Variants in RASSF8 observed in about 807,000 individuals in gnomAD.
RASSF8 encodes the protein ras association domain-containing protein 8.
RASSF8 carries 22 observed loss-of-function variants against 48.5 expected under a neutral mutation model. The ratio of observed to expected loss-of-function variants is 0.45; its 90% CI spans 0.32 to 0.65. The LOEUF is 0.65. RASSF8 is among the 30% of genes least tolerant of loss of function. The pLI is 0.03. For synonymous variants in RASSF8, 127 were observed against 171.5 expected (o/e 0.74, Z 2.03); for missense variants, 418 against 489.2 (o/e 0.85, Z 1.37).
At chr12:26,062,634 G>T (rs1943769068) in intron 3 of RASSF8, among the ~76,000 whole-genome samples, 1 of 152,176 alleles carries the variant, frequency 6.6e-6, no homozygotes, top group Non-Finnish European at 1.5e-5. Context: ...TCCCATCTCT[G>T]TCTAGTTTAC....
chr12:26,011,872 T>G (rs1322887379), intron 2 of RASSF8: 1 of 152,234 alleles, frequency 6.6e-6, no homozygotes, highest in Non-Finnish European at 1.5e-5. Flanking sequence ...ATGGTATTTA[T>G]TATATTAGCC....
chr12:25,981,058 G>A (rs1011030730), intron 1 of RASSF8, among the ~76,000 whole-genome samples: 3 of 152,056 alleles, frequency 2.0e-5, no homozygotes, highest in Admixed American at 6.6e-5. Context: ...GATCAGGGTC[G>A]GATGCGTCCT....
chr12:26,047,768 C>A (rs944458658), intron 2 of RASSF8, among the ~76,000 whole-genome samples: 1 of 152,204 alleles, frequency 6.6e-6, no homozygotes, highest in African/African-American at 2.4e-5. Context: ...TTCAGGGCTG[C>A]CCTGCCATCA....
In RASSF8 at chr12:26,064,793, A is replaced by G. The variant is rs1484861048; in HGVS notation, c.399A>G (p.Thr133=). The G allele has an allele frequency of 1.2e-6, 2 of 1,614,130 alleles. No individual in the cohort carries two copies. Among genetic ancestry groups the G allele is most frequent in the African/African-American group, 1.3e-5 (1 of 74,954 alleles). Residue 133 remains threonine (T), a synonymous_variant, in exon 4 of 6, where the codon ACA becomes ACG. Transcript: ENST00000689635. The part of the protein sequence containing the change: ...REPKRKSLTF[T]GGAKGLMDIF... ...CGAAAAGGAAATCACTGACATTTAC[A>G]GGAGGTGCCAAAGGATTAATGGACA... is the stretch of plus-strand genomic sequence containing the variant.
chr12:25,991,229 T>C (rs1022764500), intron 1 of RASSF8, among the ~76,000 whole-genome samples: 6 of 152,180 alleles, frequency 3.9e-5, no homozygotes, highest in Non-Finnish European at 8.8e-5. Flanking sequence ...GAAACTGGAA[T>C]TTATTTTGCT....
intron 2 of RASSF8, among the ~76,000 whole-genome samples, chr12:26,035,689 T>C (rs1387057985): frequency 6.9e-6 from 1 of 144,938 alleles, no homozygotes; most frequent in Non-Finnish European, 1.5e-5. Flanking sequence ...AATAAACACT[T>C]GTTTTTTTTT....
At chr12:26,013,189 T>G (rs985815606) in intron 2 of RASSF8, among the ~76,000 whole-genome samples, 1 of 152,198 alleles carries the variant, frequency 6.6e-6, no homozygotes, top group Non-Finnish European at 1.5e-5. Flanking sequence ...CGCTGTGTGG[T>G]GTGTCTGCAA....
intron 2 of RASSF8, among the ~76,000 whole-genome samples, chr12:26,016,439 G>A (rs150234070): frequency 2.0e-5 from 3 of 152,058 alleles, no homozygotes; most frequent in African/African-American, 7.2e-5. Context: ...TTCTTGCCGT[G>A]TTACCTTAAT....
chr12:25,996,316 A>G (rs1012583974), intron 2 of RASSF8, among the ~76,000 whole-genome samples: 5 of 152,228 alleles, frequency 3.3e-5, no homozygotes, highest in African/African-American at 1.2e-4. Context: ...ACAATTGACT[A>G]AAGTTCTCTC....
At chr12:25,967,384 T>A (rs1308467994) in intron 1 of RASSF8, among the ~76,000 whole-genome samples, 1 of 152,216 alleles carries the variant, frequency 6.6e-6, no homozygotes, top group Admixed American at 6.5e-5. Context: ...ATACACTTTT[T>A]AAAAAATGTT....
At chr12:26,040,952 A>T (rs1399693779) in intron 2 of RASSF8, among the ~76,000 whole-genome samples, 2 of 150,086 alleles carry the variant, frequency 1.3e-5, no homozygotes, top group East Asian at 3.9e-4. Flanking sequence ...CAGTGGCGTG[A>T]TCTCAGCTCA....
intron 1 of RASSF8, among the ~76,000 whole-genome samples, chr12:25,991,233 T>C (rs1298214163): frequency 6.6e-6 from 1 of 152,172 alleles, no homozygotes; most frequent in Non-Finnish European, 1.5e-5. Context: ...CTGGAATTTA[T>C]TTTGCTCTTG....
intron 2 of RASSF8, among the ~76,000 whole-genome samples, chr12:25,999,468 C>A (rs1437720019): frequency 6.6e-6 from 1 of 152,068 alleles, no homozygotes; most frequent in African/African-American, 2.4e-5. Flanking sequence ...CACTGATGGG[C>A]CAGGCATGGT....
At chr12:26,044,602 T>C (rs1410118091) in intron 2 of RASSF8, among the ~76,000 whole-genome samples, 1 of 152,190 alleles carries the variant, frequency 6.6e-6, no homozygotes, top group Non-Finnish European at 1.5e-5. Context: ...TGATGTACTT[T>C]CAATAAAGGA....
chr12:26,053,187 GAAA>G (rs34156987), intron 2 of RASSF8, among the ~76,000 whole-genome samples: 32 of 146,620 alleles, frequency 2.2e-4, no homozygotes, highest in African/African-American at 7.5e-4. Flanking sequence ...TTCCACAATT[GAAA>G]AAAAAAAAAG....
At chr12:25,978,937 TAG>T (rs1941673636) in intron 1 of RASSF8, among the ~76,000 whole-genome samples, 1 of 152,116 alleles carries the variant, frequency 6.6e-6, no homozygotes, top group African/African-American at 2.4e-5. Context: ...TAATAGCTAA[TAG>T]AATACCAGAT....
chr12:26,025,486 C>T (rs569905815), intron 2 of RASSF8, among the ~76,000 whole-genome samples: 7 of 149,802 alleles, frequency 4.7e-5, no homozygotes, highest in Non-Finnish European at 8.9e-5. Flanking sequence ...GGCGTGAACC[C>T]GGGAGATGGA....
intron 2 of RASSF8, among the ~76,000 whole-genome samples, chr12:26,007,890 A>G (rs1170781293): frequency 6.6e-6 from 1 of 152,234 alleles, no homozygotes; most frequent in Non-Finnish European, 1.5e-5. Flanking sequence ...GTAAGTAGAA[A>G]AATTACATTT....
intron 1 of RASSF8, among the ~76,000 whole-genome samples, chr12:25,974,663 T>C (rs576981845): frequency 2.6e-5 from 4 of 152,286 alleles, no homozygotes; most frequent in South Asian, 4.2e-4. Context: ...ATTTTTCAAA[T>C]TGAATAGGGC....
Sources: allele counts gnomAD v4.1 joint callset (sites outside exome capture counted in the v4.1 genomes callset), GRCh38; gene constraint gnomAD v4.1.1; transcripts MANE v1.5; gene names NCBI Gene and HGNC (gene_info 2026-07-23, HGNC 2026-07-21).